The following PARN variants were observed in gnomAD, a reference collection of about 807,000 sequenced individuals.
PARN encodes poly(A)-specific ribonuclease PARN.
A neutral mutation model predicts 102.8 loss-of-function variants in PARN; 71 were observed. That is an observed-to-expected ratio of 0.69 (90% CI 0.57 to 0.84). PARN has a LOEUF of 0.84. Among genes scored for constraint, PARN ranks in the 40% least tolerant of loss-of-function variants. PARN has a pLI of 0.00. For synonymous variants in PARN, 261 were observed against 252.9 expected (o/e 1.03, Z -0.30); for missense variants, 782 against 760.9 (o/e 1.03, Z -0.33).
At chr16:14,478,264 T>C (rs1963182717) in intron 22 of PARN, among the ~76,000 whole-genome samples, 1 of 152,114 alleles carries the variant, frequency 6.6e-6, no homozygotes, top group Non-Finnish European at 1.5e-5. Context: ...TGCCGTGAGC[T>C]ATGATTATGC....
intron 22 of PARN, among the ~76,000 whole-genome samples, chr16:14,469,249 A>G (rs1962570113): frequency 6.6e-6 from 1 of 152,120 alleles, no homozygotes; most frequent in South Asian, 2.1e-4. Flanking sequence ...ATGAGCCAAG[A>G]TCGCACCAGG....
chr16:14,589,397 T>C (rs951810304), intron 13 of PARN, among the ~76,000 whole-genome samples: 1 of 151,374 alleles, frequency 6.6e-6, no homozygotes, highest in Non-Finnish European at 1.5e-5. Context: ...ATCCTGTCTC[T>C]ACAAAACTTT....
chr16:14,501,457 A>AAAAAAAAAAAAAAAC (rs1442212254), intron 21 of PARN: 1 of 143,696 alleles, frequency 7.0e-6, no homozygotes, highest in Non-Finnish European at 1.5e-5. Context: ...AAAAAAAAAA[A>AAAAAAAAAAAAAAAC]AAACAGAAAG....
At chr16:14,584,873 A>T in intron 14 of PARN, 82 bp from the exon 15 acceptor site, 1 of 714,158 alleles carries the variant, frequency 1.4e-6, no homozygotes, top group South Asian at 1.8e-5. Context: ...AGCTACTTAA[A>T]ATACTTCATA....
At chr16:14,536,877 T>C (rs914551558) in intron 21 of PARN, among the ~76,000 whole-genome samples, 8 of 152,100 alleles carry the variant, frequency 5.3e-5, no homozygotes, top group African/African-American at 1.9e-4. Flanking sequence ...CTAAAAGACA[T>C]TGGTCCAGAC....
At chr16:14,510,523 A>G (rs1965131422) in intron 21 of PARN, among the ~76,000 whole-genome samples, 1 of 152,230 alleles carries the variant, frequency 6.6e-6, no homozygotes, top group East Asian at 1.9e-4. Context: ...CAAGTATGGA[A>G]GAAAAATTAA....
At chr16:14,625,580 G>A (rs1972596806) in intron 5 of PARN, among the ~76,000 whole-genome samples, 1 of 152,170 alleles carries the variant, frequency 6.6e-6, no homozygotes, top group African/African-American at 2.4e-5. Flanking sequence ...TTAACTGATT[G>A]CAGGGTAAAG....
At chr16:14,493,246 C>T (rs930590272) in intron 21 of PARN, among the ~76,000 whole-genome samples, 5 of 152,176 alleles carry the variant, frequency 3.3e-5, no homozygotes, top group Admixed American at 6.5e-5. Flanking sequence ...CAGGGTCTCT[C>T]GCTCTGTTCC....
intron 21 of PARN, among the ~76,000 whole-genome samples, chr16:14,500,136 G>A (rs999616273): frequency 3.9e-5 from 6 of 152,102 alleles, no homozygotes; most frequent in Non-Finnish European, 8.8e-5. Context: ...GTTCACTGCA[G>A]CCTCAACTTC....
chr16:14,486,477 T>A (rs965081152), intron 21 of PARN, among the ~76,000 whole-genome samples: 1 of 152,242 alleles, frequency 6.6e-6, no homozygotes, highest in Non-Finnish European at 1.5e-5. Context: ...ACAGGCGAGC[T>A]GAGTTAATCT....
At chr16:14,555,558 GA>G in intron 19 of PARN, 95 bp downstream of exon 19, 1 of 553,386 alleles carries the variant, frequency 1.8e-6, no homozygotes, top group East Asian at 3.3e-5. Flanking sequence ...AATTTTGAGT[GA>G]AAAAAGCTTT....
At chr16:14,450,776 A>T (rs1961412228) in intron 22 of PARN, among the ~76,000 whole-genome samples, 1 of 152,154 alleles carries the variant, frequency 6.6e-6, no homozygotes, top group African/African-American at 2.4e-5. Flanking sequence ...ATTTTGCAAT[A>T]CCAAGAAGTA....
intron 21 of PARN, among the ~76,000 whole-genome samples, chr16:14,505,419 TGGA>T (rs1381058696): frequency 6.6e-6 from 1 of 152,150 alleles, no homozygotes; most frequent in East Asian, 1.9e-4. Flanking sequence ...AGGCTGAAGC[TGGA>T]GGGTGCTATA....
intron 21 of PARN, among the ~76,000 whole-genome samples, chr16:14,508,364 C>T (rs1965004246): frequency 1.4e-5 from 2 of 143,106 alleles, no homozygotes; most frequent in South Asian, 2.3e-4. Context: ...ACCCCCTCAT[C>T]TCTACACCAT....
rs1960709811 is a variant in PARN, at chr16:14,436,642, G to A, written c.*75C>T. On this transcript the variant is annotated 3_prime_UTR_variant, in exon 24 of 24. Transcript: ENST00000437198. ...ACCACATTTGATTAAGTTAAATACA[G>A]TGCGGCTTCCAAATGTGCCAGCCGG... 9.4e-7 allele frequency: 1 copy of A among 1,065,626 alleles called. No individual in the cohort carries two copies. The highest frequency in any genetic ancestry group is 2.0e-5 in the Admixed American group (1 of 50,054). 66.0% of individuals were successfully genotyped at this position (1,065,626 alleles called of 1,614,324 possible). A position where few individuals can be genotyped will look rare whatever the true frequency, so the allele number is the denominator to read the frequency against.
intron 21 of PARN, among the ~76,000 whole-genome samples, chr16:14,547,357 G>C (rs955341026): frequency 6.6e-6 from 1 of 152,036 alleles, no homozygotes; most frequent in African/African-American, 2.4e-5. Context: ...TCAGTAGACG[G>C]GTTTTAGTAG....
At chr16:14,563,886 A>T (rs528705974) in intron 18 of PARN, among the ~76,000 whole-genome samples, 1 of 151,640 alleles carries the variant, frequency 6.6e-6, no homozygotes, top group Non-Finnish European at 1.5e-5. Context: ...TTTTAAAAAG[A>T]AAAAAAAATT....
chr16:14,576,634 T>C (rs778882743), intron 18 of PARN, among the ~76,000 whole-genome samples: 19 of 152,258 alleles, frequency 1.2e-4, no homozygotes, highest in Non-Finnish European at 2.6e-4. Flanking sequence ...TGATTAAAAC[T>C]GACCAAAGCT....
chr16:14,582,417 C>CT (rs1969590413), intron 16 of PARN, 126 bp from the exon 17 acceptor site: 1 of 666,084 alleles, frequency 1.5e-6, no homozygotes, highest in African/African-American at 1.8e-5. Flanking sequence ...GCTATCTATT[C>CT]CTTAATTCTC....
Sources: allele counts gnomAD v4.1 joint callset (sites outside exome capture counted in the v4.1 genomes callset), GRCh38; gene constraint gnomAD v4.1.1; transcripts MANE v1.5; gene names NCBI Gene and HGNC (gene_info 2026-07-23, HGNC 2026-07-21).